The following TENM3 variants were observed in gnomAD, a reference collection of about 807,000 sequenced individuals.
The protein encoded by TENM3 is teneurin transmembrane protein 3.
A neutral mutation model predicts 255.1 loss-of-function variants in TENM3; 63 were observed. That is an observed-to-expected ratio of 0.25 (90% CI 0.20 to 0.30). The LOEUF (loss-of-function observed/expected upper bound fraction) is 0.30, where lower values mean the gene tolerates loss of function less well. Ranked by LOEUF, TENM3 falls within the 10% of genes least tolerant of loss-of-function variation. TENM3 has a pLI of 1.00. For missense variants in TENM3, 2,929 were observed against 3,461.1 expected (o/e 0.85, Z 3.86); for synonymous variants, 1,306 against 1,322.3 (o/e 0.99, Z 0.27).
intron 23 of TENM3, among the ~76,000 whole-genome samples, chr4:182,774,533 C>T (rs1052369042): frequency 6.6e-6 from 1 of 152,140 alleles, no homozygotes; most frequent in Non-Finnish European, 1.5e-5. Context: ...GGATTGGGTG[C>T]AGGGGAGGGA....
the TENM3 span, among the ~76,000 whole-genome samples, chr4:181,666,321 T>A: frequency 4.6e-5 from 7 of 152,152 alleles, no homozygotes; most frequent in African/African-American, 1.4e-4. Context: ...TCCTAAAGTA[T>A]CTTCACCAGA....
At chr4:182,311,428 C>T (rs2726795) in intron 1 of TENM3, among the ~76,000 whole-genome samples, 48,132 of 151,958 alleles carry the variant, frequency 0.32, 7,835 homozygotes, top group Middle Eastern at 0.38. Flanking sequence ...TTTTTTACTT[C>T]TTAAAAAATT....
chr4:181,988,145 T>C, the TENM3 span, among the ~76,000 whole-genome samples: 2 of 152,136 alleles, frequency 1.3e-5, no homozygotes, highest in East Asian at 3.8e-4. Context: ...TCCTATCTTA[T>C]TTCATCTACC....
the TENM3 span, among the ~76,000 whole-genome samples, chr4:181,450,175 C>T: frequency 2.6e-5 from 4 of 152,164 alleles, no homozygotes; most frequent in South Asian, 6.2e-4. Context: ...TAAGTTCAGG[C>T]GTATACCTGA....
chr4:181,534,599 T>C, the TENM3 span, among the ~76,000 whole-genome samples: 1 of 152,154 alleles, frequency 6.6e-6, no homozygotes, highest in Non-Finnish European at 1.5e-5. Flanking sequence ...AGGTGTTGAT[T>C]TCTCAGGAAA....
intron 12 of TENM3, among the ~76,000 whole-genome samples, chr4:182,696,586 G>A (rs968550861): frequency 6.6e-6 from 1 of 152,058 alleles, no homozygotes; most frequent in Admixed American, 6.6e-5. Context: ...TTAGCTGGAT[G>A]TGGTGGTGCA....
chr4:182,798,643 T>A (rs578108580), intron 27 of TENM3, among the ~76,000 whole-genome samples: 1 of 152,204 alleles, frequency 6.6e-6, no homozygotes, highest in East Asian at 2.0e-4. Context: ...ACTTCCTAAT[T>A]GTGTATGACT....
At chr4:182,009,139 G>A in the TENM3 span, among the ~76,000 whole-genome samples, 1 of 152,056 alleles carries the variant, frequency 6.6e-6, no homozygotes, top group Non-Finnish European at 1.5e-5. Flanking sequence ...ACCTCAAGGG[G>A]CACCAACCTG....
chr4:181,898,026 C>G, the TENM3 span, among the ~76,000 whole-genome samples: 1 of 152,158 alleles, frequency 6.6e-6, no homozygotes, highest in South Asian at 2.1e-4. Context: ...TTCTCTATTT[C>G]TCTAACAACT....
At chr4:182,741,847 C>T (rs1328922007) in intron 18 of TENM3, among the ~76,000 whole-genome samples, 1 of 152,188 alleles carries the variant, frequency 6.6e-6, no homozygotes, top group Non-Finnish European at 1.5e-5. Context: ...ACAGAATGCA[C>T]CTAAAATGTG....
intron 13 of TENM3, among the ~76,000 whole-genome samples, chr4:182,720,661 T>C (rs539226135): frequency 6.6e-6 from 1 of 152,144 alleles, no homozygotes; most frequent in Non-Finnish European, 1.5e-5. Flanking sequence ...TTCAGTAGCT[T>C]CCTGCTAGGA....
At chr4:182,075,070 C>T in the TENM3 span, among the ~76,000 whole-genome samples, 3 of 152,128 alleles carry the variant, frequency 2.0e-5, no homozygotes, top group African/African-American at 7.2e-5. Context: ...CACCGCATGG[C>T]TCAGCTCCAA....
chr4:181,489,610 T>C, the TENM3 span, among the ~76,000 whole-genome samples: 3 of 152,212 alleles, frequency 2.0e-5, no homozygotes, highest in Non-Finnish European at 4.4e-5. Context: ...CACTATACCC[T>C]ATTTCGTATA....
intron 27 of TENM3, among the ~76,000 whole-genome samples, chr4:182,797,599 A>G (rs1014386436): frequency 6.6e-6 from 1 of 152,180 alleles, no homozygotes; most frequent in Non-Finnish European, 1.5e-5. Flanking sequence ...AGAAATAAAG[A>G]AATATAATAG....
chr4:181,980,924 G>A, the TENM3 span, among the ~76,000 whole-genome samples: 2 of 152,080 alleles, frequency 1.3e-5, no homozygotes, highest in African/African-American at 4.8e-5. Context: ...AATGGACTAA[G>A]CATTAGATGA....
At chr4:182,080,301 A>G in the TENM3 span, among the ~76,000 whole-genome samples, 2 of 152,224 alleles carry the variant, frequency 1.3e-5, no homozygotes, top group African/African-American at 4.8e-5. Flanking sequence ...TTACACAGCC[A>G]TTAAAAAAGA....
chr4:182,159,099 G>C (rs1328632994), intron 1 of TENM3, among the ~76,000 whole-genome samples: 1 of 152,214 alleles, frequency 6.6e-6, no homozygotes, highest in Non-Finnish European at 1.5e-5. Flanking sequence ...CATGGGGTTT[G>C]TAACGATGGC....
At chr4:182,654,711 C>G (rs1235870564) in intron 6 of TENM3, among the ~76,000 whole-genome samples, 2 of 152,028 alleles carry the variant, frequency 1.3e-5, no homozygotes, top group African/African-American at 4.8e-5. Context: ...TATTGGTGTT[C>G]AGCTTTGGCA....
chr4:182,627,314 C>T (rs1467770222), intron 4 of TENM3, among the ~76,000 whole-genome samples: 1 of 152,058 alleles, frequency 6.6e-6, no homozygotes, highest in Non-Finnish European at 1.5e-5. Flanking sequence ...CATTAAGAAA[C>T]CAAAACTGAC....
Sources: gnomAD v4.1 joint callset for allele counts (sites outside exome capture counted in the v4.1 genomes callset) on GRCh38, gnomAD v4.1.1 for gene constraint, MANE v1.5 for transcripts, NCBI Gene and HGNC (gene_info 2026-07-23, HGNC 2026-07-21) for gene names.